Variants in GABRR2 observed in about 807,000 individuals in gnomAD.
GABRR2 encodes the protein gamma-aminobutyric acid type A receptor subunit rho2.
Under a neutral mutation model 47.0 loss-of-function variants are expected in GABRR2, and 36 were observed. The ratio of observed to expected loss-of-function variants is 0.77; its 90% confidence interval spans 0.59 to 1.01. The LOEUF (loss-of-function observed/expected upper bound fraction) is 1.01. GABRR2 is among the 50% of genes least tolerant of loss of function. The pLI is 0.00. For synonymous variants in GABRR2, 204 were observed against 227.5 expected, an observed-to-expected ratio of 0.90 and a Z score of 0.93; for missense variants, 587 against 594.6, an observed-to-expected ratio of 0.99 and a Z score of 0.13.
chr6:89,276,663 G>T (rs949799024), intron 2 of GABRR2, among the ~76,000 whole-genome samples: 7 of 150,944 alleles, frequency 4.6e-5, no homozygotes, highest in African/African-American at 1.7e-4. Context: ...AATAGGAAAA[G>T]AAAAAAAAAG....
At chr6:89,265,360 C>T (rs1172776485) in intron 7 of GABRR2, among the ~76,000 whole-genome samples, 1 of 152,038 alleles carries the variant, frequency 6.6e-6, no homozygotes, top group African/African-American at 2.4e-5. Context: ...TGCCAGTTGT[C>T]GAAGTCTGTA....
rs12202071 is a variant in GABRR2 at position 89,302,918 on chromosome 6, C to T, written c.114-3053G>A. On this transcript the variant is annotated intron_variant, in intron 1 of 8. Transcript: ENST00000402938. ...TGTTCAAGCATCTCAGAGCAGTTCACGGACATGTTCCAGCACAAGGCCTTC... is the reference window on the plus strand; with the variant it reads ...TGTTCAAGCATCTCAGAGCAGTTCATGGACATGTTCCAGCACAAGGCCTTC... 9,298 of 1,171,694 alleles carry T rather than the reference C, an allele frequency of 7.9e-3. 50 individuals are homozygous for T. The highest frequency in any genetic ancestry group is 0.012 in the African/African-American group (774 of 64,350). 72.6% of individuals were successfully genotyped at this position (1,171,694 alleles called of 1,614,324 possible).
At chr6:89,278,275 G>C (rs781068585) in intron 2 of GABRR2, among the ~76,000 whole-genome samples, 3 of 152,148 alleles carry the variant, frequency 2.0e-5, no homozygotes, top group Non-Finnish European at 4.4e-5. Context: ...ATGGCCAAAA[G>C]GTACCTGACT....
Position 89,256,385 on chromosome 6 carries a change from T to C in GABRR2, c.*1285A>G, listed in dbSNP as rs1423281867. On this transcript the variant is annotated 3_prime_UTR_variant, in exon 9 of 9. Coordinates refer to ENST00000402938, the MANE Select transcript of GABRR2 (RefSeq NM_002043.5). ...CTCTGAGAGCTTCGACTACTCTTAT[T>C]CTTAATTTGGACCCCAATGTACCTA... 1.3e-5 allele frequency among the ~76,000 whole-genome samples: 2 copies of C among 152,096 alleles called. No individual in the cohort carries two copies. Among genetic ancestry groups the C allele is most frequent in the Non-Finnish European group, 2.9e-5 (2 of 68,022 alleles).
chr6:89,294,335 G>A (rs1018089040), intron 2 of GABRR2, among the ~76,000 whole-genome samples: 1 of 152,048 alleles, frequency 6.6e-6, no homozygotes, highest in Non-Finnish European at 1.5e-5. Flanking sequence ...TAATAGAGAT[G>A]GGTTTTCACC....
chr6:89,299,940 C>T, intron 1 of GABRR2, 75 bp from the exon 2 acceptor site: 1 of 941,286 alleles, frequency 1.1e-6, no homozygotes, highest in African/African-American at 1.6e-5. Flanking sequence ...GCTATTACTC[C>T]CTGCAAGATC....
chr6:89,299,688 A>AGCCAGAGAGG lies in GABRR2; in HGVS notation c.220+61_220+70dup, dbSNP rs1774615818. On this transcript the variant is annotated intron_variant, in intron 2 of 8. Coordinates refer to ENST00000402938, the MANE Select transcript of GABRR2 (RefSeq NM_002043.5). ...TCTGAGGAAGCGCTGTGCCAGAGGG[A>AGCCAGAGAGG]GCCAGAGAGGGCAGCACATCACATC... 1.5e-5 allele frequency: 15 copies of AGCCAGAGAGG among 981,318 alleles called. No individual in the cohort carries two copies. The Middle Eastern group carries it at 2.6e-3, about 171-fold the overall frequency. 60.8% of individuals were successfully genotyped at this position (981,318 alleles called of 1,614,324 possible).
At chr6:89,258,189 G>C (rs1773653124) in intron 8 of GABRR2, among the ~76,000 whole-genome samples, 1 of 152,210 alleles carries the variant, frequency 6.6e-6, no homozygotes, top group Non-Finnish European at 1.5e-5. Flanking sequence ...CCATGCCCGG[G>C]CTGCACTTTA....
rs1773879948 is a variant in GABRR2 at position 89,265,769 on chromosome 6, G to C, written c.737-4C>G. ...ATGTACAGACGGTTGTACCAGCCTA[G>C]GGGATGCAGGAAGAAGCCAATGAGG... On this transcript the variant is annotated splice_region_variant and splice_polypyrimidine_tract_variant and intron_variant, in intron 6 of 8. Coordinates refer to ENST00000402938, the MANE Select transcript of GABRR2 (RefSeq NM_002043.5). 1 of 1,613,692 alleles carries C rather than the reference G, an allele frequency of 6.2e-7. No individual in the cohort carries two copies. The highest frequency in any genetic ancestry group is 1.7e-5 in the Admixed American group (1 of 60,000).
chr6:89,257,313 T>C lies in GABRR2; in HGVS notation c.*357A>G. 4.6e-6 allele frequency: 1 copy of C among 217,194 alleles called. No homozygotes were observed. Among genetic ancestry groups the C allele is most frequent in the East Asian group, 1.0e-4 (1 of 9,782 alleles). 13.5% of individuals were successfully genotyped at this position (217,194 alleles called of 1,614,324 possible). A position where few individuals can be genotyped will look rare whatever the true frequency, so the allele number is the denominator to read the frequency against. ...CTAAGCTTGTACTTCAGTTTTTCCT[T>C]TTCCCTCCACAACTGACTCCTAGGC... On this transcript the variant is annotated 3_prime_UTR_variant, in exon 9 of 9. Transcript: ENST00000402938.
intron 2 of GABRR2, among the ~76,000 whole-genome samples, chr6:89,289,858 G>A (rs2127843354): frequency 6.6e-6 from 1 of 152,330 alleles, no homozygotes; most frequent in South Asian, 2.1e-4. Context: ...ACATCTGTTT[G>A]GCTTCTGGTG....
At chr6:89,293,090 G>A in intron 2 of GABRR2, among the ~76,000 whole-genome samples, 1 of 151,732 alleles carries the variant, frequency 6.6e-6, no homozygotes, top group Non-Finnish European at 1.5e-5. Flanking sequence ...CACAAAATGT[G>A]GTATACATAT....
intron 6 of GABRR2, 129 bp downstream of exon 6, chr6:89,267,550 G>T: frequency 2.2e-6 from 2 of 893,442 alleles, no homozygotes; most frequent in Non-Finnish European, 3.4e-6. Flanking sequence ...TTGGGAGACA[G>T]AGTGAGACCT....
chr6:89,300,421 A>T (rs1774645643), intron 1 of GABRR2, among the ~76,000 whole-genome samples: 1 of 152,128 alleles, frequency 6.6e-6, no homozygotes, highest in Non-Finnish European at 1.5e-5. Flanking sequence ...AGGGCACAAG[A>T]ATCACTTGAA....
At chr6:89,286,636 C>A (rs1774338873) in intron 2 of GABRR2, among the ~76,000 whole-genome samples, 9 of 151,906 alleles carry the variant, frequency 5.9e-5, no homozygotes, top group Admixed American at 5.2e-4. Context: ...GCCCAGCGGC[C>A]CAGTCCTTCA....
intron 7 of GABRR2, 99 bp from the exon 8 acceptor site, chr6:89,264,707 A>C: frequency 1.1e-5 from 16 of 1,410,938 alleles, no homozygotes; most frequent in East Asian, 2.3e-5. Context: ...CTTAAACCAC[A>C]TGAGAAAGTC....
intron 2 of GABRR2, among the ~76,000 whole-genome samples, chr6:89,297,593 G>A (rs1000865797): frequency 9.2e-5 from 14 of 152,174 alleles, no homozygotes; most frequent in Non-Finnish European, 1.5e-4. Context: ...AGTGGCACAC[G>A]CCTGTAATCC....
chr6:89,256,419 A>G lies in GABRR2; in HGVS notation c.*1251T>C, dbSNP rs1004377943. ...GGACCCCAATGTACCTAGTGCAGAGATACTTTAAAATGTTTATTGCCTGAA... is the reference window on the plus strand; with the variant it reads ...GGACCCCAATGTACCTAGTGCAGAGGTACTTTAAAATGTTTATTGCCTGAA... On this transcript the variant is annotated 3_prime_UTR_variant, in exon 9 of 9. Coordinates refer to ENST00000402938, the MANE Select transcript of GABRR2 (RefSeq NM_002043.5). Among the ~76,000 whole-genome samples the G allele has an allele frequency of 5.3e-5, 8 of 152,130 alleles. No homozygotes were observed. The highest frequency in any genetic ancestry group is 1.9e-4 in the African/African-American group (8 of 41,418).
intron 2 of GABRR2, among the ~76,000 whole-genome samples, chr6:89,274,924 C>T (rs1356734129): frequency 6.6e-6 from 1 of 152,014 alleles, no homozygotes; most frequent in African/African-American, 2.4e-5. Context: ...AGAGACTTCT[C>T]TTTGGGATTT....
Sources: allele counts gnomAD v4.1 joint callset (sites outside exome capture counted in the v4.1 genomes callset), GRCh38; gene constraint gnomAD v4.1.1; transcripts MANE v1.5; gene names NCBI Gene and HGNC (gene_info 2026-07-23, HGNC 2026-07-21).